CACNA1D: variants seen among roughly 807,000 people sequenced by gnomAD.
The protein encoded by CACNA1D is voltage-dependent L-type calcium channel subunit alpha-1D.
A neutral mutation model predicts 257.1 loss-of-function variants in CACNA1D; 55 were observed. The ratio of observed to expected loss-of-function variants is 0.21; its 90% CI spans 0.17 to 0.27. The LOEUF (loss-of-function observed/expected upper bound fraction) is 0.27. Among genes scored for constraint, CACNA1D ranks in the 10% least tolerant of loss-of-function variants. The pLI is 1.00. For missense variants in CACNA1D, 1,876 were observed against 2,784.0 expected (o/e 0.67, Z 7.34); for synonymous variants, 980 against 1,014.9 (o/e 0.97, Z 0.65).
intron 9 of CACNA1D, 41 bp from the exon 10 acceptor site, chr3:53,718,260 T>C (rs1394246829): frequency 2.6e-6 from 4 of 1,555,740 alleles, no homozygotes; most frequent in Middle Eastern, 1.7e-4. Context: ...AGGCGTGCAG[T>C]GTGCCCCGCA....
chr3:53,758,985 A>G (rs2095283813), intron 29 of CACNA1D, among the ~76,000 whole-genome samples: 1 of 152,174 alleles, frequency 6.6e-6, no homozygotes, highest in African/African-American at 2.4e-5. Flanking sequence ...GGGAAACAGT[A>G]TGTGGGAAGA....
intron 3 of CACNA1D, among the ~76,000 whole-genome samples, chr3:53,506,880 A>G (rs1010381176): frequency 1.3e-5 from 2 of 152,144 alleles, no homozygotes; most frequent in Admixed American, 6.5e-5. Flanking sequence ...AGATGATTCT[A>G]TTTGGATGGA....
chr3:53,651,366 CTTTTTTTT>C (rs779207160), intron 4 of CACNA1D, among the ~76,000 whole-genome samples: 16 of 81,848 alleles, frequency 2.0e-4, no homozygotes, highest in South Asian at 1.4e-3. Context: ...TATTAATTTT[CTTTTTTTT>C]TTTTTTTTTT....
At chr3:53,669,694 G>A (rs2094304309) in intron 7 of CACNA1D, among the ~76,000 whole-genome samples, 1 of 152,216 alleles carries the variant, frequency 6.6e-6, no homozygotes, top group South Asian at 2.1e-4. Context: ...AGGACTATTT[G>A]GATGTGTGGG....
In CACNA1D at chr3:53,497,255, C is replaced by T. The variant is rs1559750458; in HGVS notation, c.171C>T (p.Ile57=). The change falls in exon 2 of 48, where the codon ATC becomes ATT. Residue 57 remains isoleucine (I), a synonymous_variant. Transcript: ENST00000350061. Reference sequence around the variant, plus strand: ...CTGTCCTGTCTTGGCAAGCTGCAATCGATGCTGCTAGACAGGCCAAGGCTG... The same window carrying T: ...CTGTCCTGTCTTGGCAAGCTGCAATTGATGCTGCTAGACAGGCCAAGGCTG... The part of the protein sequence containing the change: ...KQTVLSWQAA[I]DAARQAKAAQ... The T allele has an allele frequency of 3.7e-6, 6 of 1,614,062 alleles. No individual in the cohort carries two copies. The highest frequency in any genetic ancestry group is 2.2e-5 in the East Asian group (1 of 44,904).
intron 40 of CACNA1D, among the ~76,000 whole-genome samples, chr3:53,792,798 T>C (rs1377419448): frequency 1.3e-5 from 2 of 152,156 alleles, no homozygotes; most frequent in African/African-American, 4.8e-5. Context: ...TTGGCTGCAG[T>C]CCTCACTGTA....
At chr3:53,762,140 T>G (rs1559642412) in intron 30 of CACNA1D, 59 bp downstream of exon 30, 1 of 1,040,934 alleles carries the variant, frequency 9.6e-7, no homozygotes, top group African/African-American at 1.6e-5. Flanking sequence ...CTGTGCATAC[T>G]CCGCTCCCTG....
intron 8 of CACNA1D, among the ~76,000 whole-genome samples, chr3:53,674,766 G>T (rs938971767): frequency 2.6e-5 from 4 of 152,182 alleles, no homozygotes; most frequent in Non-Finnish European, 4.4e-5. Flanking sequence ...GCCGGGTTGT[G>T]GGGGGCAGGC....
At chr3:53,753,979 A>G (rs2108893787) in intron 29 of CACNA1D, among the ~76,000 whole-genome samples, 1 of 152,388 alleles carries the variant, frequency 6.6e-6, no homozygotes, top group Middle Eastern at 3.4e-3. Flanking sequence ...AATAGTACAT[A>G]TCATGCTGTG....
chr3:53,552,206 C>G (rs1002058786), intron 3 of CACNA1D, among the ~76,000 whole-genome samples: 4 of 152,096 alleles, frequency 2.6e-5, no homozygotes, highest in Non-Finnish European at 2.9e-5. Context: ...TGTGGCTTAC[C>G]TCCTTGGTGT....
chr3:53,577,818 A>G (rs1575947305), intron 3 of CACNA1D, among the ~76,000 whole-genome samples: 1 of 152,066 alleles, frequency 6.6e-6, no homozygotes, highest in Admixed American at 6.6e-5. Flanking sequence ...CCTTCCCTTT[A>G]CTGCTTAAGG....
At chr3:53,664,727 C>T (rs1435034879) in intron 5 of CACNA1D, among the ~76,000 whole-genome samples, 4 of 136,348 alleles carry the variant, frequency 2.9e-5, no homozygotes, top group Non-Finnish European at 6.5e-5. Context: ...TCACCCCATT[C>T]ATCCCTACTT....
intron 8 of CACNA1D, among the ~76,000 whole-genome samples, chr3:53,681,252 A>G (rs940573492): frequency 6.6e-6 from 1 of 152,246 alleles, no homozygotes; most frequent in African/African-American, 2.4e-5. Context: ...CGGTCTTATG[A>G]GAACTTAGAT....
intron 3 of CACNA1D, among the ~76,000 whole-genome samples, chr3:53,607,685 C>T (rs988351491): frequency 1.3e-5 from 2 of 152,214 alleles, no homozygotes; most frequent in African/African-American, 4.8e-5. Flanking sequence ...TTGCATGTAG[C>T]TCTATGATTC....
chr3:53,635,135 C>A (rs1194028558), intron 3 of CACNA1D, among the ~76,000 whole-genome samples: 1 of 152,230 alleles, frequency 6.6e-6, no homozygotes, highest in East Asian at 1.9e-4. Context: ...CCCGATTTCA[C>A]CTTGTGAGTT....
At chr3:53,732,234 T>C in intron 18 of CACNA1D, 152 bp downstream of exon 18, 1 of 710,118 alleles carries the variant, frequency 1.4e-6, no homozygotes, top group Non-Finnish European at 2.6e-6. Flanking sequence ...CTCGCCTTTT[T>C]CCCATGGTCA....
chr3:53,796,208 A>G (rs1230464075), intron 40 of CACNA1D: 1 of 390,386 alleles, frequency 2.6e-6, no homozygotes, highest in Non-Finnish European at 5.2e-6. Context: ...GGTTAACCAG[A>G]ACTTGTCACC....
chr3:53,656,516 G>A (rs1249575483), intron 4 of CACNA1D, among the ~76,000 whole-genome samples: 1 of 152,160 alleles, frequency 6.6e-6, no homozygotes, highest in Admixed American at 6.5e-5. Flanking sequence ...TATGACCTCA[G>A]TGTAGCCAGA....
rs2095394831 is a variant in CACNA1D at position 53,775,964 on chromosome 3, C to T, written c.4281C>T (p.Tyr1427=). The change falls in exon 35 of 48, where the codon TAC becomes TAT. Residue 1427 remains tyrosine (Y), a synonymous_variant. Coordinates refer to ENST00000350061, the MANE Select transcript of CACNA1D (RefSeq NM_001128840.3). ...PGKLCDPESD[Y]NPGEEYTCGS... ...AGCTCTGTGACCCTGAGTCAGATTA[C>T]AACCCCGGGGAGGAGTATACATGTG... 13 of 1,613,914 alleles carry T rather than the reference C, an allele frequency of 8.1e-6. No individual in the cohort carries two copies. The highest frequency in any genetic ancestry group is 1.1e-5 in the Non-Finnish European group (13 of 1,179,870).
Sources: allele counts gnomAD v4.1 joint callset (sites outside exome capture counted in the v4.1 genomes callset), GRCh38; gene constraint gnomAD v4.1.1; transcripts MANE v1.5; gene names NCBI Gene and HGNC (gene_info 2026-07-23, HGNC 2026-07-21).